The following ASIC2 variants were observed in gnomAD, a reference collection of about 807,000 sequenced individuals.
The protein encoded by ASIC2 is acid sensing ion channel subunit 2, also known as acid-sensing ion channel 2.
Under a neutral mutation model 57.3 loss-of-function variants are expected in ASIC2, and 25 were observed. That is an observed-to-expected ratio of 0.44 (90% confidence interval 0.32 to 0.61). The LOEUF is 0.61. Among genes scored for constraint, ASIC2 ranks in the 20% least tolerant of loss-of-function variants. The probability of loss-of-function intolerance (pLI) is 0.06; values close to 1 mark genes in which losing one functional copy is unlikely to be tolerated. For missense variants in ASIC2, 641 were observed against 738.1 expected, an observed-to-expected ratio of 0.87 and a Z score of 1.52; for synonymous variants, 319 against 307.5, an observed-to-expected ratio of 1.04 and a Z score of -0.39.
At chr17:34,002,841 T>C (rs113271073) in intron 1 of ASIC2, 7 of 152,360 alleles carry the variant, frequency 4.6e-5, no homozygotes, top group African/African-American at 1.7e-4. Flanking sequence ...ATTTATGATT[T>C]ACATCTATCA....
intron 1 of ASIC2, among the ~76,000 whole-genome samples, chr17:33,469,577 C>A (rs1024297335): frequency 7.9e-5 from 12 of 152,136 alleles, no homozygotes; most frequent in African/African-American, 2.9e-4. Context: ...CTGGAGCCAG[C>A]AGAGAATCAA....
At chr17:33,346,051 A>T (rs1289282294) in intron 1 of ASIC2, among the ~76,000 whole-genome samples, 2 of 151,782 alleles carry the variant, frequency 1.3e-5, no homozygotes, top group Non-Finnish European at 2.9e-5. Flanking sequence ...ACATGGCAAA[A>T]CCCCATCTTT....
At chr17:33,889,357 A>T (rs1246068017) in intron 1 of ASIC2, among the ~76,000 whole-genome samples, 1 of 152,144 alleles carries the variant, frequency 6.6e-6, no homozygotes, top group Admixed American at 6.5e-5. Context: ...TTCTCTCCAT[A>T]ATTTATCACT....
chr17:33,038,315 G>A (rs1207212853), intron 3 of ASIC2, among the ~76,000 whole-genome samples: 1 of 152,134 alleles, frequency 6.6e-6, no homozygotes, highest in South Asian at 2.1e-4. Flanking sequence ...GGCTAAACAG[G>A]CCAGCAAATC....
At chr17:33,799,753 T>C (rs1912076522) in intron 1 of ASIC2, among the ~76,000 whole-genome samples, 1 of 151,842 alleles carries the variant, frequency 6.6e-6, no homozygotes, top group Admixed American at 6.6e-5. Flanking sequence ...AGGGTGACTA[T>C]AGCTACCATA....
In ASIC2 at chr17:33,665,418, G is replaced by A. The variant is rs56880995; in HGVS notation, c.555+490560C>T. Among the ~76,000 whole-genome samples the A allele has an allele frequency of 2.4e-3, 361 of 152,232 alleles. 1 individual carries two copies. Among genetic ancestry groups the A allele is most frequent in the African/African-American group, 8.4e-3 (347 of 41,542 alleles). ...TACTTATCGTTGGCACAGAGGGTAG[G>A]GTAGGAATGGCGTACCCATGTCGAG... On this transcript the variant is annotated intron_variant, in intron 1 of 9. Transcript: ENST00000359872.
intron 1 of ASIC2, among the ~76,000 whole-genome samples, chr17:33,783,415 G>A (rs751436126): frequency 2.0e-5 from 3 of 152,228 alleles, no homozygotes; most frequent in Admixed American, 6.5e-5. Context: ...GGTCCTAACA[G>A]GGACTAAAGG....
intron 1 of ASIC2, among the ~76,000 whole-genome samples, chr17:33,184,502 A>C (rs1906109492): frequency 6.6e-6 from 1 of 151,954 alleles, no homozygotes; most frequent in Non-Finnish European, 1.5e-5. Flanking sequence ...AATGTACCAG[A>C]CTCTGGGTCC....
At chr17:33,103,111 C>T (rs2092220186) in intron 2 of ASIC2, among the ~76,000 whole-genome samples, 2 of 152,174 alleles carry the variant, frequency 1.3e-5, no homozygotes, top group African/African-American at 4.8e-5. Flanking sequence ...TTATTCTTCT[C>T]TGAAATTTCC....
intron 1 of ASIC2, among the ~76,000 whole-genome samples, chr17:34,046,485 TAATC>T (rs1446986075): frequency 6.6e-6 from 1 of 152,242 alleles, no homozygotes; most frequent in Admixed American, 6.5e-5. Flanking sequence ...TCACAGGAAT[TAATC>T]AATGCTGGCT....
At chr17:33,692,488 T>C (rs1250590014) in intron 1 of ASIC2, 2 of 152,168 alleles carry the variant, frequency 1.3e-5, no homozygotes, top group African/African-American at 4.8e-5. Context: ...AATAAACAGT[T>C]ATAAAAGTCT....
rs1417247472 is a variant in ASIC2 at position 33,291,949 on chromosome 17, C to T, written c.167G>A (p.Arg56Lys). Residue 56 changes from arginine (R) to lysine (K), a missense_variant, in exon 1 of 10, where the codon AGG becomes AAG. By Grantham distance (26) the Arg-to-Lys change is conservative. This residue lies in a region of ASIC2 where 382 missense variants were observed against 398.0 expected (regional missense o/e 0.96). Transcript: ENST00000225823. ...AGCGCGGCTCAGCGATGGCCGCCCC[C>T]TGCGGGCGACCCCTGGCCCCTGCAG... is the stretch of plus-strand genomic sequence containing the variant. ...RALQGPGVAR[R>K]GRPSLSRAKL... 6.6e-7 allele frequency: 1 copy of T among 1,508,244 alleles called. No individual in the cohort carries two copies. 93.4% of individuals were successfully genotyped at this position (1,508,244 alleles called of 1,614,324 possible). A position where few individuals can be genotyped will look rare whatever the true frequency, so the allele number is the denominator to read the frequency against.
chr17:33,137,924 ACAGTGGGAGTGGATTGCTG>A (rs1247678925), intron 1 of ASIC2, among the ~76,000 whole-genome samples: 1 of 152,144 alleles, frequency 6.6e-6, no homozygotes, highest in Non-Finnish European at 1.5e-5. Context: ...GTGGATTGCT[ACAGTGGGAGTGGATTGCTG>A]CAGTGGGAGG....
chr17:33,434,496 G>A (rs1024508828), intron 1 of ASIC2, among the ~76,000 whole-genome samples: 1 of 152,144 alleles, frequency 6.6e-6, no homozygotes, highest in Non-Finnish European at 1.5e-5. Flanking sequence ...AGGAAAATTA[G>A]GTTATTACCA....
At chr17:33,848,689 G>C (rs1913681072) in intron 1 of ASIC2, among the ~76,000 whole-genome samples, 1 of 152,170 alleles carries the variant, frequency 6.6e-6, no homozygotes, top group Non-Finnish European at 1.5e-5. Flanking sequence ...AGGCATTCTA[G>C]GCAGTAGCTG....
chr17:33,822,625 T>C (rs1912780890), intron 1 of ASIC2, among the ~76,000 whole-genome samples: 1 of 152,206 alleles, frequency 6.6e-6, no homozygotes. Context: ...AAGTCCTGAA[T>C]TGATCAATAA....
intron 1 of ASIC2, among the ~76,000 whole-genome samples, chr17:33,239,063 G>A (rs1464811706): frequency 1.3e-5 from 2 of 152,032 alleles, no homozygotes; most frequent in Non-Finnish European, 2.9e-5. Context: ...GGAGGCCGAG[G>A]CAGGCGGATC....
intron 1 of ASIC2, among the ~76,000 whole-genome samples, chr17:33,575,666 G>T (rs571574350): frequency 7.4e-4 from 113 of 152,308 alleles, no homozygotes; most frequent in Admixed American, 1.4e-3. Flanking sequence ...GGGGCTCCCA[G>T]AAATCACAGG....
chr17:33,195,536 G>T (rs1906588865), intron 1 of ASIC2, among the ~76,000 whole-genome samples: 1 of 152,056 alleles, frequency 6.6e-6, no homozygotes, highest in South Asian at 2.1e-4. Flanking sequence ...TTTATTTTTT[G>T]ATCATGTATA....
Sources: allele counts gnomAD v4.1 joint callset (sites outside exome capture counted in the v4.1 genomes callset), GRCh38; gene constraint gnomAD v4.1.1; regional missense constraint gnomAD v4.1.1; transcripts MANE v1.5; gene names NCBI Gene and HGNC (gene_info 2026-07-23, HGNC 2026-07-21).